PARP16: variants seen among roughly 807,000 people sequenced by gnomAD.
PARP16 encodes poly(ADP-ribose) polymerase family member 16.
A neutral mutation model predicts 35.0 loss-of-function variants in PARP16; 31 were observed. That is an observed-to-expected ratio of 0.88 (90% CI 0.66 to 1.19). The LOEUF is 1.19. Ranked by LOEUF, PARP16 falls within the 50% of genes most tolerant of loss-of-function variation. The pLI is 0.00. For synonymous variants in PARP16, 162 were observed against 169.5 expected (o/e 0.96, Z 0.34); for missense variants, 424 against 411.2 (o/e 1.03, Z -0.27).
At chr15:65,255,687 C>G (rs1295016333), downstream of PARP16, among the ~76,000 whole-genome samples, 2 of 126,782 alleles carry the variant, frequency 1.6e-5, no homozygotes, top group East Asian at 5.2e-4. Context: ...ACCATTTCTT[C>G]TTTTTGCAGG....
chr15:65,267,674 CTAACT>C (rs2089948063), intron 2 of PARP16, among the ~76,000 whole-genome samples: 1 of 114,828 alleles, frequency 8.7e-6, no homozygotes, highest in African/African-American at 3.3e-5. Context: ...TCTAATTTTC[CTAACT>C]TTTTTTTTTT....
chr15:65,259,359 A>T lies in PARP16; in HGVS notation c.*48T>A. ...AGGCATAGGAGGTACAGAACAAGTT[A>T]CCATAAGGCACATAGTTGAGGTAGC... is the stretch of plus-strand genomic sequence containing the variant. On this transcript the variant is annotated 3_prime_UTR_variant, in exon 6 of 6. Transcript: ENST00000649807. 2.5e-6 allele frequency: 4 copies of T among 1,603,234 alleles called. No homozygotes were observed. Among genetic ancestry groups the T allele is most frequent in the Non-Finnish European group, 3.4e-6 (4 of 1,170,818 alleles).
chr15:65,262,691 T>C (rs1375549982), intron 4 of PARP16, among the ~76,000 whole-genome samples: 1 of 152,034 alleles, frequency 6.6e-6, no homozygotes. Context: ...TTTGCTTCAT[T>C]TAGCAAATAT....
chr15:65,273,876 CAAAAAAA>C (rs5813343), intron 1 of PARP16, among the ~76,000 whole-genome samples: 1 of 137,286 alleles, frequency 7.3e-6, no homozygotes, highest in African/African-American at 2.7e-5. Context: ...AACTCTGTTT[CAAAAAAA>C]AAAAAAACAA....
intron 2 of PARP16, among the ~76,000 whole-genome samples, chr15:65,251,604 ATCCCCAGCAAAACTTATGGTTCATTTTG>A (rs1386483879): frequency 5.2e-5 from 3 of 57,530 alleles, no homozygotes; most frequent in African/African-American, 1.2e-4. Context: ...CTTTCCCAGG[ATCCCCAGCAAAACTTATGGTTCATTTTG>A]ATGAGATACT....
At chr15:65,283,272 A>T (rs1332524863) in intron 1 of PARP16, among the ~76,000 whole-genome samples, 2 of 149,774 alleles carry the variant, frequency 1.3e-5, no homozygotes, top group Non-Finnish European at 3.0e-5. Flanking sequence ...CCCCATCTCA[A>T]TTTTTTTTTT....
chr15:65,286,487 T>G lies in PARP16; in HGVS notation c.-61A>C. 7.7e-7 allele frequency: 1 copy of G among 1,297,352 alleles called. No individual in the cohort carries two copies. Among genetic ancestry groups the G allele is most frequent in the Non-Finnish European group, 1.0e-6 (1 of 995,410 alleles). 80.4% of individuals were successfully genotyped at this position (1,297,352 alleles called of 1,614,324 possible). ...GGTTAGGGGCAAGGGCGAGCGTGCG[T>G]TCAGCGCGGGGGCTGGGCCCGCGGA... is the stretch of plus-strand genomic sequence containing the variant. On this transcript the variant is annotated 5_prime_UTR_variant, in exon 1 of 6. Transcript: ENST00000649807.
chr15:65,286,560 CAGGGGGCTGA>C lies in PARP16; in HGVS notation c.-144_-135del, dbSNP rs2090604630. The stretch of plus-strand genomic sequence containing the variant: ...TTCCCAAGCCTGGGGTGGAGCTAGG[CAGGGGGCTGA>C]GATGACAGGGGTGAGAACGTGCCGA... On this transcript the variant is annotated 5_prime_UTR_variant, in exon 1 of 6. Coordinates refer to ENST00000649807, the MANE Select transcript of PARP16 (RefSeq NM_001316943.2). 1.8e-5 allele frequency: 11 copies of C among 615,646 alleles called. No homozygotes were observed. The South Asian group carries it at 2.5e-4, about 14-fold the overall frequency. The allele number at this position is 615,646 out of a possible 1,614,324, so 38.1% of individuals were successfully genotyped here.
chr15:65,251,795 C>T (rs544152398), intron 2 of PARP16, among the ~76,000 whole-genome samples: 12 of 151,544 alleles, frequency 7.9e-5, no homozygotes, highest in Non-Finnish European at 1.5e-4. Flanking sequence ...GATGGAATCT[C>T]GCTCTGTCGC....
At chr15:65,265,660 A>G (rs1406671983) in intron 3 of PARP16, among the ~76,000 whole-genome samples, 4 of 152,082 alleles carry the variant, frequency 2.6e-5, no homozygotes, top group African/African-American at 9.7e-5. Flanking sequence ...TGCTTCTCAA[A>G]CTTCAATATG....
chr15:65,254,995 A>G (rs1456937938), downstream of PARP16, among the ~76,000 whole-genome samples: 1 of 152,208 alleles, frequency 6.6e-6, no homozygotes, highest in Non-Finnish European at 1.5e-5. Flanking sequence ...CTCACCTGTG[A>G]GAGGTCCCCC....
chr15:65,276,301 T>C (rs917935894), intron 1 of PARP16, among the ~76,000 whole-genome samples: 3 of 152,102 alleles, frequency 2.0e-5, no homozygotes, highest in African/African-American at 7.2e-5. Flanking sequence ...ACAAGTAGGG[T>C]TGCCATTTAA....
At chr15:65,235,901 T>C (rs1313744316) in intron 3 of PARP16, among the ~76,000 whole-genome samples, 15 of 149,360 alleles carry the variant, frequency 1.0e-4, no homozygotes, top group Admixed American at 2.0e-4. Flanking sequence ...CTCTCTCTGT[T>C]GCCCAGGCTG....
chr15:65,286,369 C>A lies in PARP16; in HGVS notation c.58G>T (p.Ala20Ser), dbSNP rs867686181. The A allele has an allele frequency of 6.3e-7, 1 of 1,575,234 alleles. No homozygotes were observed. Among genetic ancestry groups the A allele is most frequent in the East Asian group, 2.4e-5 (1 of 41,882 alleles). Residue 20 changes from alanine to serine, a missense_variant, in exon 1 of 6, where the codon GCC becomes TCC. Physicochemically the swap from Ala to Ser is moderately conservative, Grantham distance 99. Transcript: ENST00000649807. ...REAAGRDMLAADLRCSLFASA... is the reference protein window; with the variant it reads ...REAAGRDMLASDLRCSLFASA... The stretch of plus-strand genomic sequence containing the variant: ...GCGAAGAGGCTGCACCGGAGGTCGG[C>A]GGCCAGCATGTCGCGGCCCGCCGCC...
chr15:65,253,799 G>A (rs1472041240), downstream of PARP16, among the ~76,000 whole-genome samples: 2 of 152,034 alleles, frequency 1.3e-5, no homozygotes, highest in Admixed American at 1.3e-4. Flanking sequence ...GGAGCTTGCA[G>A]TTGAATTTTA....
intron 2 of PARP16, among the ~76,000 whole-genome samples, chr15:65,251,129 A>G (rs1276300545): frequency 6.6e-6 from 1 of 151,816 alleles, no homozygotes; most frequent in South Asian, 2.1e-4. Flanking sequence ...AGTGATCTGC[A>G]GGCTTCAGCC....
At chr15:65,233,862 C>T (rs537029820), downstream of PARP16, among the ~76,000 whole-genome samples, 2 of 152,202 alleles carry the variant, frequency 1.3e-5, no homozygotes, top group African/African-American at 4.8e-5. Flanking sequence ...GAATTCGTGA[C>T]TTTTTTGGCC....
intron 3 of PARP16, 90 bp from the exon 4 acceptor site, chr15:65,263,410 G>A (rs1003712039): frequency 2.7e-6 from 3 of 1,104,018 alleles, no homozygotes; most frequent in Non-Finnish European, 3.9e-6. Context: ...TTCAAGAGTT[G>A]TAAACACAAA....
chr15:65,266,489 G>A (rs2089893898), intron 3 of PARP16, 73 bp downstream of exon 3: 26 of 1,303,396 alleles, frequency 2.0e-5, no homozygotes, highest in Middle Eastern at 3.8e-4. Context: ...CTAGGGTTCT[G>A]AATCTCCCCC....
Sources: allele counts gnomAD v4.1 joint callset (sites outside exome capture counted in the v4.1 genomes callset), GRCh38; gene constraint gnomAD v4.1.1; transcripts MANE v1.5; gene names NCBI Gene and HGNC (gene_info 2026-07-23, HGNC 2026-07-21).